Variants in FMN1 observed in about 807,000 individuals in gnomAD.
FMN1 encodes the protein formin-1.
A neutral mutation model predicts 132.4 loss-of-function variants in FMN1; 110 were observed. The observed-to-expected ratio is 0.83, with a 90% CI of 0.71 to 0.97. The LOEUF is 0.97. Among genes scored for constraint, FMN1 ranks in the 50% least tolerant of loss-of-function variants. The pLI is 0.00. For missense variants in FMN1, 1,792 were observed against 1,705.3 expected, an observed-to-expected ratio of 1.05 and a Z score of -0.90; for synonymous variants, 722 against 651.7, an observed-to-expected ratio of 1.11 and a Z score of -1.64.
At chr15:32,830,040 C>CT (rs1375317516) in intron 17 of FMN1, among the ~76,000 whole-genome samples, 1 of 152,004 alleles carries the variant, frequency 6.6e-6, no homozygotes, top group African/African-American at 2.4e-5. Context: ...TTAATGTCTT[C>CT]TTTATTTTTA....
chr15:33,114,533 T>G (rs973759566), intron 4 of FMN1, among the ~76,000 whole-genome samples: 1 of 152,244 alleles, frequency 6.6e-6, no homozygotes, highest in African/African-American at 2.4e-5. Context: ...ATCCAATCAT[T>G]TGAATCATCC....
chr15:32,829,121 CA>C (rs2058441088), intron 17 of FMN1, among the ~76,000 whole-genome samples: 1 of 152,200 alleles, frequency 6.6e-6, no homozygotes, highest in African/African-American at 2.4e-5. Flanking sequence ...AACTGGATAG[CA>C]AAACTCCAGC....
intron 16 of FMN1, among the ~76,000 whole-genome samples, chr15:32,867,113 C>T (rs1026810897): frequency 5.9e-5 from 9 of 152,202 alleles, no homozygotes; most frequent in African/African-American, 2.2e-4. Flanking sequence ...GAATTCATTA[C>T]TCTTCACCAG....
chr15:32,977,282 T>G (rs1259959599), intron 7 of FMN1, among the ~76,000 whole-genome samples: 5 of 152,194 alleles, frequency 3.3e-5, no homozygotes, highest in Non-Finnish European at 7.3e-5. Context: ...ACTATCCACC[T>G]TATCACTGAT....
At chr15:33,136,250 C>A (rs1475584194) in intron 4 of FMN1, among the ~76,000 whole-genome samples, 1 of 152,182 alleles carries the variant, frequency 6.6e-6, no homozygotes, top group Non-Finnish European at 1.5e-5. Context: ...GCTCCATCCT[C>A]ACTCAAAGAG....
intron 6 of FMN1, among the ~76,000 whole-genome samples, chr15:33,016,225 A>T (rs905678257): frequency 1.6e-4 from 24 of 152,244 alleles, no homozygotes; most frequent in African/African-American, 5.5e-4. Flanking sequence ...ACTGACAGAT[A>T]AATACAAATT....
intron 8 of FMN1, among the ~76,000 whole-genome samples, chr15:32,966,898 T>C (rs909026027): frequency 6.6e-5 from 10 of 152,194 alleles, no homozygotes; most frequent in Non-Finnish European, 1.2e-4. Flanking sequence ...GTCATTTTCA[T>C]TTAAAAGCAG....
At position 32,784,571 on chromosome 15, in the gene FMN1, C is replaced by A. The variant is rs116183480; in HGVS notation, c.4131-7652G>T. ...ACCAAGGGGATGATTCTTCTGACAG[C>A]CATAACCACAAGATTTCAGATTTTG... On this transcript the variant is annotated intron_variant, in intron 19 of 20. Coordinates refer to ENST00000616417, the MANE Select transcript of FMN1 (RefSeq NM_001277313.2). Among the ~76,000 whole-genome samples, 619 of 152,238 alleles carry A rather than the reference C, an allele frequency of 4.1e-3. 5 individuals carry two copies. The highest frequency in any genetic ancestry group is 0.014 in the African/African-American group (597 of 41,544).
At chr15:32,836,315 AGCCAACT>A (rs1418062531) in intron 17 of FMN1, among the ~76,000 whole-genome samples, 1 of 152,206 alleles carries the variant, frequency 6.6e-6, no homozygotes, top group Non-Finnish European at 1.5e-5. Context: ...AAAGTCACAA[AGCCAACT>A]GCATGGCGGT....
intron 3 of FMN1, among the ~76,000 whole-genome samples, chr15:33,155,784 A>AT (rs1489736765): frequency 2.0e-5 from 3 of 152,072 alleles, no homozygotes; most frequent in Non-Finnish European, 2.9e-5. Flanking sequence ...CCCTGTACAG[A>AT]TTTTTCAATG....
In FMN1 at chr15:32,771,781, A is replaced by C. The variant is rs182204599; in HGVS notation, c.*2529T>G. The C allele has an allele frequency of 6.6e-6, 1 of 152,230 alleles. No individual in the cohort carries two copies. The highest frequency in any genetic ancestry group is 1.9e-4 in the East Asian group (1 of 5,194). 9.4% of individuals were successfully genotyped at this position (152,230 alleles called of 1,614,324 possible). A position where few individuals can be genotyped will look rare whatever the true frequency, so the allele number is the denominator to read the frequency against. Reference sequence around the variant, plus strand: ...CTGCTACACTGAACACAAGCTCAACAGCATTTTAGAGGGATCATTTTCAAG... The same window carrying C: ...CTGCTACACTGAACACAAGCTCAACCGCATTTTAGAGGGATCATTTTCAAG... On this transcript the variant is annotated 3_prime_UTR_variant, in exon 21 of 21. Coordinates refer to ENST00000616417, the MANE Select transcript of FMN1 (RefSeq NM_001277313.2).
At chr15:32,877,071 A>T (rs1026671898) in intron 16 of FMN1, among the ~76,000 whole-genome samples, 1 of 152,192 alleles carries the variant, frequency 6.6e-6, no homozygotes, top group Non-Finnish European at 1.5e-5. Context: ...GGATCACCTG[A>T]AGTCAGGAGT....
intron 6 of FMN1, among the ~76,000 whole-genome samples, chr15:33,018,444 G>A (rs555893657): frequency 1.3e-5 from 2 of 152,160 alleles, no homozygotes; most frequent in South Asian, 2.1e-4. Context: ...CTCACCAATG[G>A]CCAATGATTT....
intron 3 of FMN1, among the ~76,000 whole-genome samples, chr15:33,169,771 T>A (rs1448876763): frequency 6.9e-6 from 1 of 145,738 alleles, no homozygotes; most frequent in Admixed American, 6.8e-5. Context: ...GGTAATAGCC[T>A]TTTCCAAAAA....
chr15:33,012,546 G>A (rs1026788749), intron 6 of FMN1: 19 of 1,528,180 alleles, frequency 1.2e-5, no homozygotes, highest in Middle Eastern at 2.3e-4. Context: ...GCAGTGGCAA[G>A]AAAAGGGGCT....
intron 5 of FMN1, among the ~76,000 whole-genome samples, chr15:33,088,343 G>A (rs1267949179): frequency 3.3e-5 from 5 of 152,198 alleles, no homozygotes; most frequent in African/African-American, 1.2e-4. Context: ...TGCCAACCTA[G>A]TCACCTGTTA....
intron 9 of FMN1, among the ~76,000 whole-genome samples, chr15:32,954,918 T>C (rs1184070653): frequency 1.3e-5 from 2 of 152,108 alleles, no homozygotes; most frequent in Admixed American, 6.5e-5. Context: ...GGCATGAGAA[T>C]TGCTTGATGA....
chr15:33,094,863 A>G (rs971687566), intron 4 of FMN1, among the ~76,000 whole-genome samples: 1 of 152,172 alleles, frequency 6.6e-6, no homozygotes, highest in African/African-American at 2.4e-5. Flanking sequence ...GGCACAGATG[A>G]TGCTAACAAT....
intron 7 of FMN1, among the ~76,000 whole-genome samples, chr15:32,999,249 G>A (rs529799073): frequency 3.9e-5 from 6 of 152,286 alleles, no homozygotes; most frequent in South Asian, 2.1e-4. Context: ...GGAATTAAGA[G>A]ATTTAAATGT....
Sources: allele counts gnomAD v4.1 joint callset (sites outside exome capture counted in the v4.1 genomes callset), GRCh38; gene constraint gnomAD v4.1.1; transcripts MANE v1.5; gene names NCBI Gene and HGNC (gene_info 2026-07-23, HGNC 2026-07-21).